Variants in TENM3 observed in about 807,000 individuals in gnomAD.
TENM3 encodes the protein teneurin transmembrane protein 3, also known as teneurin-3.
A neutral mutation model predicts 255.1 loss-of-function variants in TENM3; 63 were observed. The ratio of observed to expected loss-of-function variants is 0.25; its 90% CI spans 0.20 to 0.30. TENM3 has a LOEUF of 0.30. TENM3 is among the 10% of genes least tolerant of loss of function. The probability of loss-of-function intolerance (pLI) is 1.00; values close to 1 mark genes in which losing one functional copy is unlikely to be tolerated. For synonymous variants in TENM3, 1,306 were observed against 1,322.3 expected (o/e 0.99, Z 0.27); for missense variants, 2,929 against 3,461.1 (o/e 0.85, Z 3.86).
intron 2 of TENM3, among the ~76,000 whole-genome samples, chr4:182,341,221 G>A (rs951332964): frequency 1.7e-4 from 26 of 152,160 alleles, no homozygotes; most frequent in African/African-American, 6.3e-4. Context: ...AAAGAAGATA[G>A]GCTTTAATTT....
At chr4:182,696,369 G>A (rs998424943) in intron 12 of TENM3, among the ~76,000 whole-genome samples, 2 of 152,150 alleles carry the variant, frequency 1.3e-5, no homozygotes, top group Admixed American at 1.3e-4. Flanking sequence ...GGCAATCAAA[G>A]AGTAATTATA....
intron 11 of TENM3, among the ~76,000 whole-genome samples, chr4:182,682,598 T>G (rs748578597): frequency 2.6e-5 from 4 of 152,332 alleles, no homozygotes; most frequent in Middle Eastern, 6.8e-3. Flanking sequence ...ACTGAAAGAC[T>G]TAACAAATCG....
chr4:181,701,567 A>T, the TENM3 span, among the ~76,000 whole-genome samples: 2 of 53,092 alleles, frequency 3.8e-5, no homozygotes, highest in Non-Finnish European at 1.1e-4. Flanking sequence ...TCAGTTTCTC[A>T]GTCTGAAATA....
At chr4:181,849,949 T>TCTCTCTCTCACACACACACA in the TENM3 span, among the ~76,000 whole-genome samples, 264 of 65,920 alleles carry the variant, frequency 4.0e-3, 3 homozygotes, top group African/African-American at 5.4e-3. Flanking sequence ...TCTCTCTCTC[T>TCTCTCTCTCACACACACACA]CACACACACA....
chr4:181,594,939 C>G, the TENM3 span, among the ~76,000 whole-genome samples: 1 of 152,054 alleles, frequency 6.6e-6, no homozygotes, highest in African/African-American at 2.4e-5. Flanking sequence ...TTTGATTCCT[C>G]TCTTTGTTTA....
intron 3 of TENM3, among the ~76,000 whole-genome samples, chr4:182,386,744 C>CG (rs1454720335): frequency 6.6e-6 from 1 of 152,218 alleles, no homozygotes; most frequent in East Asian, 1.9e-4. Flanking sequence ...GCCAGCCCAC[C>CG]GGCGCTGCTC....
chr4:181,564,093 T>C, the TENM3 span, among the ~76,000 whole-genome samples: 2 of 142,838 alleles, frequency 1.4e-5, no homozygotes, highest in African/African-American at 5.3e-5. Flanking sequence ...CAGGCTGGAG[T>C]GCACTGGCAG....
chr4:182,152,552 T>A (rs2149585597), intron 1 of TENM3, among the ~76,000 whole-genome samples: 1 of 152,000 alleles, frequency 6.6e-6, no homozygotes, highest in Admixed American at 6.6e-5. Flanking sequence ...ATTGTTACTT[T>A]GTCCTAGAAT....
chr4:182,277,531 A>G (rs1278726306), intron 1 of TENM3, among the ~76,000 whole-genome samples: 2 of 152,262 alleles, frequency 1.3e-5, no homozygotes, highest in South Asian at 4.2e-4. Flanking sequence ...AGAACAAAGG[A>G]ATGTTGGTTG....
intron 5 of TENM3, among the ~76,000 whole-genome samples, chr4:182,636,415 A>C (rs970549966): frequency 3.3e-5 from 5 of 152,150 alleles, no homozygotes; most frequent in African/African-American, 1.2e-4. Flanking sequence ...GTTTGATATG[A>C]GGTCAGCTAA....
the TENM3 span, among the ~76,000 whole-genome samples, chr4:181,591,478 C>A: frequency 4.6e-5 from 7 of 152,144 alleles, no homozygotes; most frequent in Non-Finnish European, 5.9e-5. Flanking sequence ...ACCCAAATGT[C>A]CATCAGTAAA....
At chr4:181,959,791 T>C in the TENM3 span, among the ~76,000 whole-genome samples, 1 of 152,198 alleles carries the variant, frequency 6.6e-6, no homozygotes, top group Non-Finnish European at 1.5e-5. Context: ...TAGAAATATA[T>C]GGAGTTTTGG....
chr4:181,892,433 A>C, the TENM3 span, among the ~76,000 whole-genome samples: 3 of 152,208 alleles, frequency 2.0e-5, no homozygotes, highest in East Asian at 5.8e-4. Flanking sequence ...GCTATACAAT[A>C]GAGTAATTTT....
intron 3 of TENM3, among the ~76,000 whole-genome samples, chr4:182,558,910 T>G (rs144434811): frequency 6.6e-6 from 1 of 152,126 alleles, no homozygotes; most frequent in East Asian, 1.9e-4. Context: ...AAAATTATGA[T>G]GTAAAAGAAT....
At chr4:181,536,661 C>T in the TENM3 span, among the ~76,000 whole-genome samples, 1 of 152,190 alleles carries the variant, frequency 6.6e-6, no homozygotes, top group African/African-American at 2.4e-5. Flanking sequence ...TCTTTAGACA[C>T]ATGCACCATT....
At chr4:182,641,273 TA>T (rs1752283673) in intron 5 of TENM3, among the ~76,000 whole-genome samples, 1 of 152,240 alleles carries the variant, frequency 6.6e-6, no homozygotes, top group Non-Finnish European at 1.5e-5. Context: ...AGAACTGGAC[TA>T]TTACATAGGA....
At chr4:182,384,282 C>T (rs1767756183) in intron 3 of TENM3, among the ~76,000 whole-genome samples, 2 of 148,328 alleles carry the variant, frequency 1.3e-5, no homozygotes, top group South Asian at 4.3e-4. Flanking sequence ...ATTGGCAAAG[C>T]TTTCTTTGAA....
At chr4:182,652,683 G>A (rs1200390598) in intron 5 of TENM3, among the ~76,000 whole-genome samples, 3 of 152,192 alleles carry the variant, frequency 2.0e-5, no homozygotes, top group South Asian at 2.1e-4. Context: ...TATTGGATCT[G>A]AAGGGCTTTT....
chr4:182,404,535 A>G (rs1487638798), intron 3 of TENM3, among the ~76,000 whole-genome samples: 1 of 152,214 alleles, frequency 6.6e-6, no homozygotes, highest in Non-Finnish European at 1.5e-5. Context: ...GCCTAATCAG[A>G]GTGCGGAGAA....
Sources: allele counts gnomAD v4.1 joint callset (sites outside exome capture counted in the v4.1 genomes callset), GRCh38; gene constraint gnomAD v4.1.1; transcripts MANE v1.5; gene names NCBI Gene and HGNC (gene_info 2026-07-23, HGNC 2026-07-21).